The following RB1 variants were observed in gnomAD, a reference collection of about 807,000 sequenced individuals.
The protein encoded by RB1 is RB transcriptional corepressor 1.
A neutral mutation model predicts 135.4 loss-of-function variants in RB1; 18 were observed. That is an observed-to-expected ratio of 0.13 (90% CI 0.09 to 0.20). The LOEUF is 0.20. Ranked by LOEUF, RB1 falls within the 10% of genes least tolerant of loss-of-function variation. RB1 has a pLI of 1.00. For missense variants in RB1, 868 were observed against 1,110.0 expected (o/e 0.78, Z 3.10); for synonymous variants, 365 against 373.2 (o/e 0.98, Z 0.25).
At chr13:48,315,714 G>A (rs141355110) in intron 2 of RB1, among the ~76,000 whole-genome samples, 106 of 152,282 alleles carry the variant, frequency 7.0e-4, no homozygotes, top group African/African-American at 2.5e-3. Context: ...CTAGTTTGTT[G>A]AGCTATATAC....
intron 17 of RB1, among the ~76,000 whole-genome samples, chr13:48,420,184 C>T: frequency 6.6e-6 from 1 of 152,152 alleles, no homozygotes; most frequent in East Asian, 1.9e-4. Context: ...AAAGCTTATC[C>T]ACCACAAACA....
At chr13:48,425,631 T>G (rs533683222) in intron 17 of RB1, among the ~76,000 whole-genome samples, 1 of 152,072 alleles carries the variant, frequency 6.6e-6, no homozygotes, top group Non-Finnish European at 1.5e-5. Context: ...GGTAGGAGGA[T>G]CTCTTGAGCC....
chr13:48,345,944 C>G (rs4151468), intron 4 of RB1, among the ~76,000 whole-genome samples: 1,854 of 152,174 alleles, frequency 0.012, 39 homozygotes, highest in Middle Eastern at 0.037. Flanking sequence ...GAGGATGGCT[C>G]TATTTTCTCC....
At chr13:48,320,485 G>A in intron 2 of RB1, 1 of 724,292 alleles carries the variant, frequency 1.4e-6, no homozygotes, top group Non-Finnish European at 2.3e-6. Context: ...TCTAGCAGAA[G>A]GGGAGGGACG....
chr13:48,426,133 C>A (rs1414344037), intron 17 of RB1, among the ~76,000 whole-genome samples: 1 of 152,162 alleles, frequency 6.6e-6, no homozygotes, highest in African/African-American at 2.4e-5. Flanking sequence ...CTGCCCTGAA[C>A]TTTAAGATGG....
intron 2 of RB1, chr13:48,317,069 G>C: frequency 5.1e-6 from 4 of 778,938 alleles, no homozygotes; most frequent in South Asian, 2.7e-5. Context: ...GTGCCTTGCT[G>C]CTTGGCCAGG....
At position 48,463,718 on chromosome 13, in the gene RB1, A is replaced by C. The variant is rs773509289; in HGVS notation, c.2107-13A>C. 27 of 1,409,614 alleles carry C rather than the reference A, an allele frequency of 1.9e-5. No homozygotes were observed. Among genetic ancestry groups the C allele is most frequent in the African/African-American group, 2.8e-5 (2 of 70,774 alleles). 87.3% of individuals were successfully genotyped at this position (1,409,614 alleles called of 1,614,324 possible). A position where few individuals can be genotyped will look rare whatever the true frequency, so the allele number is the denominator to read the frequency against. Reference sequence around the variant, plus strand: ...TAAAATTCTGACTACTTTTACATCAATTTATTTACTAGATTATGATGTGTT... The same window carrying C: ...TAAAATTCTGACTACTTTTACATCACTTTATTTACTAGATTATGATGTGTT... On this transcript the variant is annotated splice_polypyrimidine_tract_variant and intron_variant, in intron 20 of 26. Coordinates refer to ENST00000267163, the MANE Select transcript of RB1 (RefSeq NM_000321.3).
At chr13:48,351,282 G>T (rs2138096709) in intron 6 of RB1, among the ~76,000 whole-genome samples, 1 of 152,242 alleles carries the variant, frequency 6.6e-6, no homozygotes, top group South Asian at 2.1e-4. Context: ...TATTCTGACT[G>T]GTGTGAGATG....
intron 17 of RB1, among the ~76,000 whole-genome samples, chr13:48,410,637 A>G (rs1948785880): frequency 6.6e-6 from 1 of 152,154 alleles, no homozygotes; most frequent in South Asian, 2.1e-4. Flanking sequence ...CTAAGTAAAA[A>G]CTTAGCAAAA....
intron 19 of RB1, among the ~76,000 whole-genome samples, chr13:48,459,079 G>T (rs1288937300): frequency 1.3e-5 from 2 of 152,124 alleles, no homozygotes; most frequent in East Asian, 1.9e-4. Flanking sequence ...ACCCTATTGG[G>T]TTTGTCTAAT....
At chr13:48,375,916 A>G (rs1952816988) in intron 12 of RB1, among the ~76,000 whole-genome samples, 1 of 152,004 alleles carries the variant, frequency 6.6e-6, no homozygotes, top group African/African-American at 2.4e-5. Flanking sequence ...TTGAATGTAT[A>G]TATTGAATGT....
In RB1 at chr13:48,459,696, C is replaced by A; in HGVS notation, c.1969C>A (p.Leu657Ile). ...TTTTCTTATTCCCACAGTGTATCGG[C>A]TAGCCTATCTCCGGCTAAATACACT... ...LSLFYKKVYRLAYLRLNTLCE... is the reference protein window; with the variant it reads ...LSLFYKKVYRIAYLRLNTLCE... The change falls in exon 20 of 27, where the codon CTA becomes ATA. Residue 657 changes from leucine to isoleucine, a missense_variant. Around this residue, in one of 3 missense-constraint regions of RB1, gnomAD observed 641 missense variants for 791.3 expected, o/e 0.81. Coordinates refer to ENST00000267163, the MANE Select transcript of RB1 (RefSeq NM_000321.3). The A allele has an allele frequency of 6.2e-7, 1 of 1,614,046 alleles. No individual in the cohort carries two copies. The highest frequency in any genetic ancestry group is 2.2e-5 in the East Asian group (1 of 44,876).
chr13:48,324,622 TC>T (rs1952269320), intron 2 of RB1, among the ~76,000 whole-genome samples: 1 of 152,186 alleles, frequency 6.6e-6, no homozygotes, highest in African/African-American at 2.4e-5. Context: ...TAATGGGCAT[TC>T]AGGTTAATTC....
At chr13:48,458,293 G>GTATA (rs55965505) in intron 19 of RB1, among the ~76,000 whole-genome samples, 4 of 152,044 alleles carry the variant, frequency 2.6e-5, no homozygotes, top group Non-Finnish European at 4.4e-5. Flanking sequence ...CTCTGAGTGT[G>GTATA]TATATATGGT....
At position 48,411,385 on chromosome 13, in the gene RB1, T is replaced by C. The variant is rs187023731; in HGVS notation, c.1695+29942T>C. 1,452 of 1,608,580 alleles carry C rather than the reference T, an allele frequency of 9.0e-4. 6 individuals are homozygous for C. The African/African-American group carries it at 0.016, about 17-fold the overall frequency. ...CTGTCCCAGTGAGTCCTAATGGTTT[T>C]ATTTCAGGCAGCAGATTCATTGTCA... On this transcript the variant is annotated intron_variant, in intron 17 of 26. Coordinates refer to ENST00000267163, the MANE Select transcript of RB1 (RefSeq NM_000321.3).
intron 16 of RB1, 38 bp from the exon 17 acceptor site, chr13:48,381,206 TTAA>T (rs1339058860): frequency 6.4e-7 from 1 of 1,555,932 alleles, no homozygotes; most frequent in Admixed American, 1.9e-5. Flanking sequence ...AGCTCAAGGG[TTAA>T]TATTTCATAA....
chr13:48,318,094 C>T (rs1593420858), intron 2 of RB1: 1 of 531,908 alleles, frequency 1.9e-6, no homozygotes, highest in Non-Finnish European at 3.4e-6. Flanking sequence ...GAGGCAGAGG[C>T]GCATCCCCTC....
rs2138052324 is a variant in RB1 at position 48,318,848 on chromosome 13, C to G, written c.264+11442C>G. ...CACCTCTGGCCAGCAAACTCCCCGA[C>G]TATGCCTTGAGGGTCAAAACGTCTG... is the stretch of plus-strand genomic sequence containing the variant. On this transcript the variant is annotated intron_variant, in intron 2 of 26. Coordinates refer to ENST00000267163, the MANE Select transcript of RB1 (RefSeq NM_000321.3). 4.0e-6 allele frequency: 4 copies of G among 999,072 alleles called. No individual in the cohort carries two copies. In the East Asian group the frequency reaches 7.5e-5, roughly 19 times the overall value. The allele number at this position is 999,072 out of a possible 1,614,324, so 61.9% of individuals were successfully genotyped here.
At chr13:48,431,918 A>G (rs1218691054) in intron 17 of RB1, among the ~76,000 whole-genome samples, 1 of 152,084 alleles carries the variant, frequency 6.6e-6, no homozygotes, top group Non-Finnish European at 1.5e-5. Flanking sequence ...CAAAATATTT[A>G]TTGAGTGTAA....
Sources: gnomAD v4.1 joint callset for allele counts (sites outside exome capture counted in the v4.1 genomes callset) on GRCh38, gnomAD v4.1.1 for gene constraint, gnomAD v4.1.1 regional missense constraint, MANE v1.5 for transcripts, NCBI Gene and HGNC (gene_info 2026-07-23, HGNC 2026-07-21) for gene names.